Variants in PLB1 observed in about 807,000 individuals in gnomAD.
The protein encoded by PLB1 is phospholipase B1.
A neutral mutation model predicts 227.4 loss-of-function variants in PLB1; 242 were observed. That is an observed-to-expected ratio of 1.06 (90% CI 0.96 to 1.18). The LOEUF (loss-of-function observed/expected upper bound fraction) is 1.18. PLB1 is among the 50% of genes most tolerant of loss of function. The pLI, the probability that PLB1 is intolerant of heterozygous loss-of-function variation, is 0.00. For synonymous variants in PLB1, 757 were observed against 682.2 expected (o/e 1.11, Z -1.71); for missense variants, 1,858 against 1,816.3 (o/e 1.02, Z -0.42).
At chr2:28,497,839 C>T (rs1010379064) in intron 1 of PLB1, among the ~76,000 whole-genome samples, 1 of 152,110 alleles carries the variant, frequency 6.6e-6, no homozygotes, top group African/African-American at 2.4e-5. Flanking sequence ...CTGCCTCAGC[C>T]TCCTGAGTAG....
chr2:28,538,826 G>GC (rs1377162019), intron 10 of PLB1, among the ~76,000 whole-genome samples: 1 of 152,176 alleles, frequency 6.6e-6, no homozygotes, highest in African/African-American at 2.4e-5. Context: ...CAGGCCCATA[G>GC]CCCCAGTGGT....
intron 49 of PLB1, among the ~76,000 whole-genome samples, chr2:28,623,133 A>G (rs1449731620): frequency 6.6e-6 from 1 of 152,200 alleles, no homozygotes; most frequent in Non-Finnish European, 1.5e-5. Context: ...GGACCCCTGA[A>G]ATCATCCAGT....
chr2:28,619,519 G>GTTTTTTT (rs776491318), intron 46 of PLB1, among the ~76,000 whole-genome samples: 1 of 124,610 alleles, frequency 8.0e-6, no homozygotes, highest in Non-Finnish European at 1.7e-5. Context: ...AAATTTCAAG[G>GTTTTTTT]TTTTGTTTTT....
chr2:28,507,201 G>A (rs1667732712), intron 1 of PLB1, among the ~76,000 whole-genome samples: 1 of 152,208 alleles, frequency 6.6e-6, no homozygotes, highest in Non-Finnish European at 1.5e-5. Context: ...CCATGGGACT[G>A]TCTTCTACAG....
chr2:28,557,089 A>G (rs1558753127), intron 17 of PLB1, among the ~76,000 whole-genome samples: 1 of 152,126 alleles, frequency 6.6e-6, no homozygotes, highest in East Asian at 1.9e-4. Context: ...TCAGGAAGGA[A>G]TGATGCCCTG....
chr2:28,637,299 T>TAAAAAAAAAAAAA, intron 56 of PLB1, among the ~76,000 whole-genome samples: 1 of 131,160 alleles, frequency 7.6e-6, no homozygotes, highest in Non-Finnish European at 1.7e-5. Flanking sequence ...GTCTCAAATT[T>TAAAAAAAAAAAAA]AAAAAAAAAA....
At chr2:28,501,568 A>G (rs1013536466) in intron 1 of PLB1, among the ~76,000 whole-genome samples, 3 of 152,180 alleles carry the variant, frequency 2.0e-5, no homozygotes, top group Non-Finnish European at 4.4e-5. Flanking sequence ...AGTCGAAGCT[A>G]TATGAAAAGA....
intron 9 of PLB1, among the ~76,000 whole-genome samples, chr2:28,536,565 C>A (rs572052626): frequency 3.9e-5 from 6 of 152,270 alleles, no homozygotes; most frequent in African/African-American, 1.4e-4. Context: ...AATAATATCC[C>A]ATTCCTTGGT....
At chr2:28,609,266 C>G (rs187250204) in intron 43 of PLB1, among the ~76,000 whole-genome samples, 1 of 152,122 alleles carries the variant, frequency 6.6e-6, no homozygotes, top group African/African-American at 2.4e-5. Context: ...CTGAGACTTA[C>G]CCATTTCCAG....
Position 28,585,828 on chromosome 2 carries a change from A to T in PLB1, c.1801A>T (p.Asn601Tyr), listed in dbSNP as rs1680815175. 1 of 1,608,300 alleles carries T rather than the reference A, an allele frequency of 6.2e-7. No individual in the cohort carries two copies. The highest frequency in any genetic ancestry group is 2.2e-5 in the East Asian group (1 of 44,852). ...AGAACTTGCTACCCTCATCGAATTC[A>T]ACAAGAAGTTTCAGGTAAGCCGGGA... ...STELATLIEF[N>Y]KKFQEKTHQL... The change falls in exon 26 of 58, where the codon AAC (asparagine) becomes TAC (tyrosine). Residue 601 changes from asparagine to tyrosine, a missense_variant. Asn to Tyr is a moderately radical substitution (Grantham distance 143). Coordinates refer to ENST00000327757, the MANE Select transcript of PLB1 (RefSeq NM_153021.5).
intron 56 of PLB1, among the ~76,000 whole-genome samples, chr2:28,639,084 CACTACAGGATCA>C (rs1689698244): frequency 6.7e-6 from 1 of 148,630 alleles, no homozygotes; most frequent in Admixed American, 6.7e-5. Context: ...AAAAAAAAGC[CACTACAGGATCA>C]ACTAAGAGCT....
intron 4 of PLB1, among the ~76,000 whole-genome samples, chr2:28,522,067 C>T (rs1239679565): frequency 1.3e-5 from 2 of 152,172 alleles, no homozygotes; most frequent in East Asian, 1.9e-4. Context: ...ACCTTCTCCT[C>T]ATCTCAAATA....
intron 4 of PLB1, among the ~76,000 whole-genome samples, chr2:28,520,086 G>A (rs972141352): frequency 2.4e-4 from 36 of 151,938 alleles, no homozygotes; most frequent in African/African-American, 8.5e-4. Context: ...GCGCCACCAT[G>A]CCTGGCTAGT....
chr2:28,642,964 G>T lies in PLB1; in HGVS notation c.4280G>T (p.Gly1427Val). Residue 1427 changes from glycine (G) to valine (V), a missense_variant, in exon 58 of 58, where the codon GGC becomes GTC. Physicochemically the swap from Gly to Val is moderately radical, Grantham distance 109 (BLOSUM62 -3). Transcript: ENST00000327757. ...YWAVPVAAGV[G>V]LVVGIIGTVV... ...GCTGTCCCAGTGGCAGCGGGAGTCG[G>T]CCTTGTGGTGGGCATCATCGGGACA... 1.2e-6 allele frequency: 2 copies of T among 1,609,816 alleles called. No individual in the cohort carries two copies. The highest frequency in any genetic ancestry group is 1.7e-6 in the Non-Finnish European group (2 of 1,178,398).
At chr2:28,546,399 AG>A (rs1260670496) in intron 14 of PLB1, among the ~76,000 whole-genome samples, 2 of 152,138 alleles carry the variant, frequency 1.3e-5, no homozygotes, top group Non-Finnish European at 2.9e-5. Flanking sequence ...CAGTCCAGGG[AG>A]GATTCTGCTG....
rs2148299053 is a variant in PLB1 at position 28,601,322 on chromosome 2, G to A, written c.2597G>A (p.Cys866Tyr). Residue 866 changes from cysteine (C) to tyrosine (Y), a missense_variant, in exon 37 of 58, where the codon TGC becomes TAC. Transcript: ENST00000327757. ...LIGGSDLCDY[C>Y]TDSNLYSAAN... ...GGAGGCAGCGATTTATGTGACTACT[G>A]CACAGATTCGGTAATTGGGGCCAGG... is the stretch of plus-strand genomic sequence containing the variant. 2 of 1,613,924 alleles carry A rather than the reference G, an allele frequency of 1.2e-6. No homozygotes were observed. Among genetic ancestry groups the A allele is most frequent in the Non-Finnish European group, 1.7e-6 (2 of 1,179,850 alleles).
intron 23 of PLB1, among the ~76,000 whole-genome samples, chr2:28,580,650 G>A (rs1679765000): frequency 6.6e-6 from 1 of 151,944 alleles, no homozygotes; most frequent in Admixed American, 6.6e-5. Flanking sequence ...GGTGGCAGAG[G>A]TTGCAGTGAG....
chr2:28,548,624 T>C (rs1673681633), intron 14 of PLB1: 1 of 608,992 alleles, frequency 1.6e-6, no homozygotes, highest in African/African-American at 1.8e-5. Flanking sequence ...CTTCTCATGC[T>C]GTGGTTCTCA....
intron 54 of PLB1, among the ~76,000 whole-genome samples, chr2:28,631,573 C>A (rs189329521): frequency 6.6e-6 from 1 of 152,188 alleles, no homozygotes; most frequent in African/African-American, 2.4e-5. Flanking sequence ...ATCCAGCCAC[C>A]GTGGACTCTC....
Sources: allele counts gnomAD v4.1 joint callset (sites outside exome capture counted in the v4.1 genomes callset), GRCh38; gene constraint gnomAD v4.1.1; transcripts MANE v1.5; gene names NCBI Gene and HGNC (gene_info 2026-07-23, HGNC 2026-07-21).